Variants in DENND1A observed in about 807,000 individuals in gnomAD.
The protein encoded by DENND1A is DENN domain-containing protein 1A.
In DENND1A, 51 loss-of-function variants were observed where a neutral mutation model predicts 113.7. The observed-to-expected ratio is 0.45, with a 90% CI of 0.36 to 0.57. The LOEUF is 0.57. Among genes scored for constraint, DENND1A ranks in the 20% least tolerant of loss-of-function variants. DENND1A has a pLI of 0.00. For missense variants in DENND1A, 1,258 were observed against 1,395.9 expected (o/e 0.90, Z 1.57); for synonymous variants, 565 against 570.8 (o/e 0.99, Z 0.14).
intron 15 of DENND1A, 70 bp from the exon 16 acceptor site, chr9:123,454,849 C>CTTTTTTT: frequency 2.0e-6 from 2 of 1,019,662 alleles, no homozygotes; most frequent in African/African-American, 1.7e-5. Flanking sequence ...CTTAAAATTG[C>CTTTTTTT]TTTTTTTTTT....
chr9:123,916,880 A>G (rs977288553), intron 1 of DENND1A, among the ~76,000 whole-genome samples: 2 of 152,124 alleles, frequency 1.3e-5, no homozygotes, highest in African/African-American at 4.8e-5. Context: ...AACAGATTAA[A>G]AGAAAAAATT....
intron 19 of DENND1A, among the ~76,000 whole-genome samples, chr9:123,418,435 T>C (rs2131707243): frequency 6.6e-6 from 1 of 152,330 alleles, no homozygotes; most frequent in South Asian, 2.1e-4. Context: ...TTGCAGTTCA[T>C]TTGTTGATGC....
chr9:123,731,947 T>A (rs1035973239), intron 5 of DENND1A, among the ~76,000 whole-genome samples: 1 of 152,170 alleles, frequency 6.6e-6, no homozygotes, highest in Non-Finnish European at 1.5e-5. Flanking sequence ...GATATACAAA[T>A]GACAAATAAG....
chr9:123,689,668 T>C (rs569241301), intron 5 of DENND1A, among the ~76,000 whole-genome samples: 3 of 152,104 alleles, frequency 2.0e-5, no homozygotes, highest in Admixed American at 6.5e-5. Context: ...GTCCATAAAA[T>C]AATAGTGGTT....
intron 3 of DENND1A, among the ~76,000 whole-genome samples, chr9:123,783,631 TC>T (rs1831656164): frequency 6.6e-6 from 1 of 152,106 alleles, no homozygotes; most frequent in Admixed American, 6.6e-5. Flanking sequence ...GGAAATCAAA[TC>T]CCCAAGTGGT....
At chr9:123,827,934 C>G (rs113180929) in intron 2 of DENND1A, among the ~76,000 whole-genome samples, 1,694 of 152,212 alleles carry the variant, frequency 0.011, 17 homozygotes, top group Non-Finnish European at 0.016. Flanking sequence ...GATAATATTA[C>G]CCTAGACCTT....
At position 123,586,965 on chromosome 9, in the gene DENND1A, C is replaced by T. The variant is rs1589246809; in HGVS notation, c.766-3695G>A. ...AACACAGTCTTATTGCGGGATCTGG[C>T]CAGCAGCCCGCAATGCAACGGGGCT... On this transcript the variant is annotated intron_variant, in intron 11 of 23. Coordinates refer to ENST00000394215, the MANE Select transcript of DENND1A (RefSeq NM_001352964.2). Among the ~76,000 whole-genome samples the T allele has an allele frequency of 3.3e-5, 5 of 151,996 alleles. 1 individual carries two copies. The highest frequency in any genetic ancestry group is 3.3e-4 in the Admixed American group (5 of 15,254).
intron 3 of DENND1A, among the ~76,000 whole-genome samples, chr9:123,781,997 G>A (rs181616113): frequency 6.6e-6 from 1 of 152,048 alleles, no homozygotes; most frequent in Non-Finnish European, 1.5e-5. Flanking sequence ...TTGAACCTGG[G>A]AGACAGAGGT....
intron 9 of DENND1A, among the ~76,000 whole-genome samples, chr9:123,640,417 C>G (rs777066088): frequency 2.6e-5 from 4 of 152,178 alleles, no homozygotes; most frequent in African/African-American, 9.6e-5. Context: ...TTAGGCCACT[C>G]AAGCTCTGTG....
intron 7 of DENND1A, among the ~76,000 whole-genome samples, chr9:123,668,727 A>G (rs1299528186): frequency 6.6e-6 from 1 of 152,248 alleles, no homozygotes; most frequent in East Asian, 1.9e-4. Context: ...AGATAACTTA[A>G]AAAAGCCTTC....
intron 5 of DENND1A, among the ~76,000 whole-genome samples, chr9:123,742,808 A>G (rs1229439393): frequency 6.6e-6 from 1 of 152,240 alleles, no homozygotes; most frequent in African/African-American, 2.4e-5. Flanking sequence ...TAACAGGTCA[A>G]CTAGGTGAGT....
intron 13 of DENND1A, among the ~76,000 whole-genome samples, chr9:123,495,670 T>C (rs151036950): frequency 1.9e-3 from 297 of 152,332 alleles, no homozygotes; most frequent in Non-Finnish European, 3.2e-3. Context: ...GTTAGATTCT[T>C]TTAAAGACAA....
intron 11 of DENND1A, among the ~76,000 whole-genome samples, chr9:123,596,272 G>C (rs890796786): frequency 8.5e-5 from 13 of 152,214 alleles, no homozygotes; most frequent in Admixed American, 2.0e-4. Flanking sequence ...AACTTGTTTA[G>C]TGATGTTTCC....
At chr9:123,611,489 T>C (rs1044520819) in intron 10 of DENND1A, among the ~76,000 whole-genome samples, 1 of 152,194 alleles carries the variant, frequency 6.6e-6, no homozygotes, top group Admixed American at 6.5e-5. Context: ...TAGTGGAACC[T>C]TGCCTAATGT....
intron 2 of DENND1A, among the ~76,000 whole-genome samples, chr9:123,850,509 G>A (rs768150210): frequency 6.6e-6 from 1 of 151,976 alleles, no homozygotes; most frequent in Non-Finnish European, 1.5e-5. Context: ...TCACTTTATT[G>A]CGCTATTCAC....
At chr9:123,424,635 A>C (rs563363966) in intron 19 of DENND1A, among the ~76,000 whole-genome samples, 1 of 152,280 alleles carries the variant, frequency 6.6e-6, no homozygotes, top group Admixed American at 6.5e-5. Flanking sequence ...ATAAAATTCA[A>C]GCTCCCCCAC....
chr9:123,431,223 G>A (rs1215277268), intron 19 of DENND1A, among the ~76,000 whole-genome samples: 1 of 152,162 alleles, frequency 6.6e-6, no homozygotes, highest in African/African-American at 2.4e-5. Flanking sequence ...TCCAGTGCTA[G>A]CTCCCACACA....
chr9:123,482,983 G>C (rs757912608), intron 13 of DENND1A, among the ~76,000 whole-genome samples: 1 of 152,180 alleles, frequency 6.6e-6, no homozygotes, highest in Non-Finnish European at 1.5e-5. Flanking sequence ...CTGGGGGAAG[G>C]GAGTGTAGAT....
intron 13 of DENND1A, among the ~76,000 whole-genome samples, chr9:123,473,947 G>A (rs932153696): frequency 2.0e-5 from 3 of 151,430 alleles, no homozygotes; most frequent in African/African-American, 7.3e-5. Context: ...CCAAGCTCAG[G>A]GTTCCGCTCT....
Sources: allele counts gnomAD v4.1 joint callset (sites outside exome capture counted in the v4.1 genomes callset), GRCh38; gene constraint gnomAD v4.1.1; transcripts MANE v1.5; gene names NCBI Gene and HGNC (gene_info 2026-07-23, HGNC 2026-07-21).